The following ADAM23 variants were observed in gnomAD, a reference collection of about 807,000 sequenced individuals.
The protein encoded by ADAM23 is disintegrin and metalloproteinase domain-containing protein 23.
In ADAM23, 33 loss-of-function variants were observed where a neutral mutation model predicts 120.1. The observed-to-expected ratio is 0.27, with a 90% CI of 0.21 to 0.37. ADAM23 has a LOEUF of 0.37. ADAM23 is among the 10% of genes least tolerant of loss of function. The pLI is 1.00. For missense variants in ADAM23, 862 were observed against 1,058.2 expected (o/e 0.81, Z 2.57); for synonymous variants, 367 against 375.2 (o/e 0.98, Z 0.25).
chr2:206,574,066 C>T (rs1208059570), intron 18 of ADAM23, among the ~76,000 whole-genome samples: 1 of 152,144 alleles, frequency 6.6e-6, no homozygotes, highest in Non-Finnish European at 1.5e-5. Context: ...TATAAACTGG[C>T]ATGATTTCTT....
Position 206,571,715 on chromosome 2 carries a change from T to G in ADAM23, c.1567-12T>G. On this transcript the variant is annotated splice_polypyrimidine_tract_variant and intron_variant, in intron 16 of 25. Transcript: ENST00000264377. ...AGGCTCTTCGCTTACTCACGTGAAG[T>G]GTTTTCTCTAGGAATGCTATGGATT... 6.2e-7 allele frequency: 1 copy of G among 1,610,508 alleles called. No individual in the cohort carries two copies.
chr2:206,499,259 A>G (rs995463945), intron 3 of ADAM23, among the ~76,000 whole-genome samples: 27 of 152,058 alleles, frequency 1.8e-4, no homozygotes, highest in East Asian at 5.8e-4. Flanking sequence ...ATGTCCAACA[A>G]TGATAGACTG....
At chr2:206,506,751 G>A (rs1229193556) in intron 3 of ADAM23, among the ~76,000 whole-genome samples, 1 of 152,102 alleles carries the variant, frequency 6.6e-6, no homozygotes, top group East Asian at 1.9e-4. Flanking sequence ...ATCATCATTT[G>A]CATTTTTTTC....
intron 3 of ADAM23, among the ~76,000 whole-genome samples, chr2:206,513,378 AT>A (rs34873355): frequency 0.26 from 39,687 of 152,040 alleles, 5,361 homozygotes; most frequent in South Asian, 0.31. Flanking sequence ...GAAAGTTTTA[AT>A]GTTCTGGATA....
At chr2:206,542,998 T>G (rs1697323696) in intron 5 of ADAM23, among the ~76,000 whole-genome samples, 1 of 152,224 alleles carries the variant, frequency 6.6e-6, no homozygotes, top group Admixed American at 6.5e-5. Context: ...ATTTCAAACA[T>G]CAGTTATATC....
chr2:206,576,773 G>A (rs1400972117), intron 18 of ADAM23, among the ~76,000 whole-genome samples: 3 of 151,556 alleles, frequency 2.0e-5, no homozygotes, highest in Non-Finnish European at 4.4e-5. Context: ...TTAAACTTAC[G>A]GTTTATAATA....
chr2:206,479,735 C>T (rs1695856973), intron 2 of ADAM23, among the ~76,000 whole-genome samples: 1 of 152,040 alleles, frequency 6.6e-6, no homozygotes, highest in South Asian at 2.1e-4. Context: ...AGGAAGCCCA[C>T]AAGTATGGTG....
intron 7 of ADAM23, 56 bp from the exon 8 acceptor site, chr2:206,548,225 A>G: frequency 6.7e-7 from 1 of 1,501,026 alleles, no homozygotes; most frequent in Non-Finnish European, 9.2e-7. Flanking sequence ...ATATTTTAAA[A>G]CATACTCCCA....
intron 3 of ADAM23, among the ~76,000 whole-genome samples, chr2:206,520,886 A>G (rs543543697): frequency 6.6e-6 from 1 of 152,026 alleles, no homozygotes; most frequent in East Asian, 1.9e-4. Flanking sequence ...CACCTTTTCA[A>G]CACTATTGCC....
Position 206,565,038 on chromosome 2 carries a change from C to A in ADAM23, c.1364C>A (p.Ser455Tyr), listed in dbSNP as rs1458369826. ...SRKPKCDCTESWGGCIMEETG... is the reference protein window; with the variant it reads ...SRKPKCDCTEYWGGCIMEETG... ...GGACCAGAATGTGACTGCACAGAAT[C>A]CTGGGGTGGCTGCATCATGGAGGAA... is the stretch of plus-strand genomic sequence containing the variant. Residue 455 changes from serine to tyrosine, a missense_variant, in exon 14 of 26, where the codon TCC becomes TAC. Physicochemically the swap from Ser to Tyr is moderately radical, Grantham distance 144. This residue lies in a region of ADAM23 where 617 missense variants were observed against 813.5 expected (regional missense o/e 0.76). Coordinates refer to ENST00000264377, the MANE Select transcript of ADAM23 (RefSeq NM_003812.4). The A allele has an allele frequency of 1.2e-6, 2 of 1,613,788 alleles. No homozygotes were observed. The highest frequency in any genetic ancestry group is 4.5e-5 in the East Asian group (2 of 44,862).
chr2:206,603,878 C>A (rs1467274807), intron 24 of ADAM23, among the ~76,000 whole-genome samples: 1 of 151,078 alleles, frequency 6.6e-6, no homozygotes, highest in Non-Finnish European at 1.5e-5. Context: ...TATTTTTAAG[C>A]ATATGTGGCT....
chr2:206,548,676 G>A (rs1188118756), intron 8 of ADAM23, among the ~76,000 whole-genome samples: 2 of 152,100 alleles, frequency 1.3e-5, no homozygotes, highest in Non-Finnish European at 2.9e-5. Flanking sequence ...AAGTACAGCA[G>A]ACTTTTCTTT....
intron 9 of ADAM23, among the ~76,000 whole-genome samples, chr2:206,552,911 G>A (rs1697562134): frequency 6.6e-6 from 1 of 151,492 alleles, no homozygotes; most frequent in Non-Finnish European, 1.5e-5. Context: ...CAAGTGATCT[G>A]TCTGCTTCAA....
At chr2:206,565,273 G>A (rs1697855229) in intron 14 of ADAM23, among the ~76,000 whole-genome samples, 1 of 152,130 alleles carries the variant, frequency 6.6e-6, no homozygotes, top group African/African-American at 2.4e-5. Flanking sequence ...AAAGTAAAAT[G>A]TATTACCTTC....
At chr2:206,455,607 T>C (rs1363783519) in intron 2 of ADAM23, among the ~76,000 whole-genome samples, 5 of 152,222 alleles carry the variant, frequency 3.3e-5, no homozygotes, top group Admixed American at 2.6e-4. Context: ...AGTTCCAGTT[T>C]CAGCCCATCT....
intron 3 of ADAM23, among the ~76,000 whole-genome samples, chr2:206,505,935 C>A (rs983995353): frequency 6.6e-6 from 1 of 152,198 alleles, no homozygotes; most frequent in African/African-American, 2.4e-5. Context: ...TTTCACCAGG[C>A]TTTCTCCTTT....
At chr2:206,512,139 C>T (rs1251435947) in intron 3 of ADAM23, among the ~76,000 whole-genome samples, 3 of 152,106 alleles carry the variant, frequency 2.0e-5, no homozygotes, top group Non-Finnish European at 4.4e-5. Flanking sequence ...GCTTAGAATT[C>T]ACATAAAAGA....
At chr2:206,563,507 T>A (rs1697812560) in intron 13 of ADAM23, among the ~76,000 whole-genome samples, 1 of 152,192 alleles carries the variant, frequency 6.6e-6, no homozygotes, top group African/African-American at 2.4e-5. Context: ...AAACACCTAG[T>A]ACACATTAAA....
intron 5 of ADAM23, 106 bp downstream of exon 5, chr2:206,542,240 C>A: frequency 9.0e-7 from 1 of 1,114,346 alleles, no homozygotes; most frequent in Non-Finnish European, 1.3e-6. Context: ...GTGTTAGGGA[C>A]TGCATGTGGA....
Sources: gnomAD v4.1 joint callset for allele counts (sites outside exome capture counted in the v4.1 genomes callset) on GRCh38, gnomAD v4.1.1 for gene constraint, gnomAD v4.1.1 regional missense constraint, MANE v1.5 for transcripts, NCBI Gene and HGNC (gene_info 2026-07-23, HGNC 2026-07-21) for gene names.